ANKRD26: variants seen among roughly 807,000 people sequenced by gnomAD.
ANKRD26 encodes the protein ankyrin repeat domain 26, also known as ankyrin repeat domain-containing protein 26.
Under a neutral mutation model 208.7 loss-of-function variants are expected in ANKRD26, and 141 were observed. The observed-to-expected ratio is 0.68, with a 90% confidence interval of 0.59 to 0.78. ANKRD26 has a LOEUF of 0.78. Among genes scored for constraint, ANKRD26 ranks in the 30% least tolerant of loss-of-function variants. ANKRD26 has a pLI of 0.00. For missense variants in ANKRD26, 1,889 were observed against 1,938.7 expected (o/e 0.97, Z 0.48); for synonymous variants, 636 against 660.4 (o/e 0.96, Z 0.57).
At chr10:26,952,688 C>T in the ANKRD26 span, among the ~76,000 whole-genome samples, 1 of 152,164 alleles carries the variant, frequency 6.6e-6, no homozygotes, top group African/African-American at 2.4e-5. Context: ...TAAGTAGGGA[C>T]AGCAGATGAA....
chr10:27,066,160 C>T lies in ANKRD26; in HGVS notation c.1269+327G>A, dbSNP rs139801400. The T allele has an allele frequency of 2.6e-3, 432 of 166,952 alleles. 5 individuals are homozygous for T. Among genetic ancestry groups the T allele is most frequent in the Middle Eastern group, 8.2e-3 (3 of 366 alleles). 10.3% of individuals were successfully genotyped at this position (166,952 alleles called of 1,614,324 possible). A position where few individuals can be genotyped will look rare whatever the true frequency, so the allele number is the denominator to read the frequency against. On this transcript the variant is annotated intron_variant, in intron 11 of 33. Coordinates refer to ENST00000376087, the MANE Select transcript of ANKRD26 (RefSeq NM_014915.3). ...ACAGGCATGAGCCACCTTGCCTGGC[C>T]GACCTGAAATAATTCTTTAGTTTTT...
chr10:26,969,993 C>G (rs1272572725), downstream of ANKRD26, among the ~76,000 whole-genome samples: 2 of 94,250 alleles, frequency 2.1e-5, no homozygotes, highest in Non-Finnish European at 4.4e-5. Flanking sequence ...TGCCACCATG[C>G]CCAGCTAATT....
chr10:27,090,473 A>G (rs1320204822), intron 4 of ANKRD26, among the ~76,000 whole-genome samples: 1 of 152,170 alleles, frequency 6.6e-6, no homozygotes, highest in African/African-American at 2.4e-5. Context: ...AGATAATTTG[A>G]TATACTTTAC....
chr10:26,968,112 T>C, the ANKRD26 span, among the ~76,000 whole-genome samples: 2 of 152,316 alleles, frequency 1.3e-5, no homozygotes, highest in East Asian at 1.9e-4. Flanking sequence ...AACTCCTTTA[T>C]AGGTCTCCAA....
At chr10:27,097,439 G>T (rs1385901003) in intron 1 of ANKRD26, among the ~76,000 whole-genome samples, 1 of 152,088 alleles carries the variant, frequency 6.6e-6, no homozygotes, top group Non-Finnish European at 1.5e-5. Context: ...TCCAGCCTGG[G>T]CAACAGAGGG....
chr10:27,090,379 C>A (rs2056260737), intron 4 of ANKRD26, among the ~76,000 whole-genome samples: 1 of 151,986 alleles, frequency 6.6e-6, no homozygotes, highest in African/African-American at 2.4e-5. Flanking sequence ...GGCAACAGAG[C>A]AAGACTCCAT....
At chr10:27,057,212 A>G (rs2054868724) in intron 15 of ANKRD26, among the ~76,000 whole-genome samples, 2 of 152,226 alleles carry the variant, frequency 1.3e-5, no homozygotes, top group African/African-American at 4.8e-5. Context: ...CTATGCTACA[A>G]ACACACTACT....
chr10:27,010,696 C>G (rs1212634430), intron 32 of ANKRD26, among the ~76,000 whole-genome samples: 1 of 152,066 alleles, frequency 6.6e-6, no homozygotes. Context: ...TGAGATCTCA[C>G]TATGCCTCAC....
intron 32 of ANKRD26, among the ~76,000 whole-genome samples, chr10:27,010,238 A>C (rs550841197): frequency 6.6e-6 from 1 of 152,254 alleles, no homozygotes; most frequent in Non-Finnish European, 1.5e-5. Flanking sequence ...GGTTTGGCAA[A>C]CCAGTGCCCC....
intron 15 of ANKRD26, among the ~76,000 whole-genome samples, chr10:27,059,069 C>A (rs961058801): frequency 6.6e-6 from 1 of 151,868 alleles, no homozygotes; most frequent in African/African-American, 2.4e-5. Flanking sequence ...AGCCTGCCAC[C>A]ACGCCTGGCT....
At chr10:27,090,543 A>C (rs1389783688) in intron 4 of ANKRD26, among the ~76,000 whole-genome samples, 2 of 152,186 alleles carry the variant, frequency 1.3e-5, no homozygotes, top group African/African-American at 4.8e-5. Context: ...AATAGACATA[A>C]GCATCTTGGG....
intron 4 of ANKRD26, among the ~76,000 whole-genome samples, chr10:26,981,539 T>G (rs191875515): frequency 3.9e-5 from 6 of 152,344 alleles, no homozygotes; most frequent in African/African-American, 1.4e-4. Flanking sequence ...CTTATTTGGT[T>G]TTTGTTCTTG....
intron 30 of ANKRD26, among the ~76,000 whole-genome samples, chr10:27,015,425 G>A (rs929118777): frequency 2.6e-5 from 4 of 152,234 alleles, no homozygotes; most frequent in African/African-American, 9.6e-5. Flanking sequence ...TCTATGGCTT[G>A]GGCCCTGCTG....
intron 5 of ANKRD26, 52 bp from the exon 6 acceptor site, chr10:27,082,885 T>C (rs2055978092): frequency 2.6e-6 from 4 of 1,543,834 alleles, no homozygotes; most frequent in Non-Finnish European, 3.5e-6. Flanking sequence ...GAAAAATATA[T>C]AAAATTTAAA....
intron 30 of ANKRD26, among the ~76,000 whole-genome samples, chr10:27,016,189 T>C (rs1294316790): frequency 6.6e-6 from 1 of 151,828 alleles, no homozygotes; most frequent in Non-Finnish European, 1.5e-5. Context: ...GGGGTCTCAC[T>C]TTGTTGCCTA....
chr10:27,082,049 T>TTAAAAA (rs1203792058), intron 6 of ANKRD26, among the ~76,000 whole-genome samples: 6 of 67,646 alleles, frequency 8.9e-5, no homozygotes, highest in African/African-American at 2.3e-4. Context: ...TGCAGTTATT[T>TTAAAAA]AAAAAAAAAA....
chr10:27,013,761 T>C lies in ANKRD26; in HGVS notation c.4725-651A>G, dbSNP rs79541903. ...CCAAGGAATAATTCAGAGCAAAAAA[T>C]TGTAGGGGAAAAGAAGATAGCTGAG... On this transcript the variant is annotated intron_variant, in intron 31 of 33. Coordinates refer to ENST00000376087, the MANE Select transcript of ANKRD26 (RefSeq NM_014915.3). Among the ~76,000 whole-genome samples the C allele has an allele frequency of 6.8e-3, 1,041 of 152,140 alleles. 11 individuals carry two copies. The highest frequency in any genetic ancestry group is 0.023 in the African/African-American group (967 of 41,508).
At chr10:27,057,473 T>C (rs549883210) in intron 15 of ANKRD26, among the ~76,000 whole-genome samples, 32 of 152,338 alleles carry the variant, frequency 2.1e-4, no homozygotes, top group Non-Finnish European at 4.0e-4. Flanking sequence ...GGTTTAAATA[T>C]GGATGACAGT....
In ANKRD26 at chr10:27,017,410, C is replaced by T. The variant is rs892866572; in HGVS notation, c.4506+92G>A. On this transcript the variant is annotated intron_variant, in intron 30 of 33. Coordinates refer to ENST00000376087, the MANE Select transcript of ANKRD26 (RefSeq NM_014915.3). ...TTCTAGAAATCTACAGAACAAATTG[C>T]TATAAGGGATGTAGAGGAAACACAT... The T allele has an allele frequency of 5.9e-6, 8 of 1,345,174 alleles. No homozygotes were observed. The African/African-American group carries it at 8.7e-5, about 15-fold the overall frequency. 83.3% of individuals were successfully genotyped at this position (1,345,174 alleles called of 1,614,324 possible).
Sources: allele counts gnomAD v4.1 joint callset (sites outside exome capture counted in the v4.1 genomes callset), GRCh38; gene constraint gnomAD v4.1.1; transcripts MANE v1.5; gene names NCBI Gene and HGNC (gene_info 2026-07-23, HGNC 2026-07-21).